PRAG1: variants seen among roughly 807,000 people sequenced by gnomAD.
PRAG1 encodes the protein PEAK1 related, kinase-activating pseudokinase 1, also known as inactive tyrosine-protein kinase PRAG1.
Under a neutral mutation model 95.6 loss-of-function variants are expected in PRAG1, and 110 were observed. The observed-to-expected ratio is 1.15, with a 90% CI of 0.99 to 1.35. PRAG1 has a LOEUF of 1.35. Among genes scored for constraint, PRAG1 ranks in the 40% most tolerant of loss-of-function variants. The pLI is 0.00. For missense variants in PRAG1, 2,554 were observed against 1,864.7 expected (o/e 1.37, Z -6.81); for synonymous variants, 1,052 against 819.4 (o/e 1.28, Z -4.85).
intron 2 of PRAG1, 58 bp downstream of exon 2, chr8:8,381,360 C>G: frequency 6.6e-7 from 1 of 1,520,896 alleles, no homozygotes; most frequent in Non-Finnish European, 8.9e-7. Flanking sequence ...AGCCAGTCAC[C>G]AAGTGTTCAA....
intron 3 of PRAG1, among the ~76,000 whole-genome samples, chr8:8,361,185 C>A (rs1317120432): frequency 6.6e-6 from 1 of 152,174 alleles, no homozygotes; most frequent in East Asian, 1.9e-4. Flanking sequence ...CACTGAGGAA[C>A]TTCCCTTAAA....
intron 2 of PRAG1, among the ~76,000 whole-genome samples, chr8:8,380,852 CAAAAAAAAAAAA>C (rs71217290): frequency 1.6e-5 from 1 of 64,448 alleles, no homozygotes; most frequent in Non-Finnish European, 3.0e-5. Context: ...GACTCCATCT[CAAAAAAAAAAAA>C]AAAAAAAAAA....
chr8:8,338,480 C>T, intron 4 of PRAG1, among the ~76,000 whole-genome samples: 1 of 152,178 alleles, frequency 6.6e-6, no homozygotes, highest in African/African-American at 2.4e-5. Flanking sequence ...ATTTGTTATA[C>T]AATGGGCTGG....
At chr8:8,381,929 G>A in intron 1 of PRAG1, 95 bp from the exon 2 acceptor site, 1 of 551,440 alleles carries the variant, frequency 1.8e-6, no homozygotes, top group South Asian at 2.8e-5. Flanking sequence ...CAGGGAGAAG[G>A]AGGAGAAAAA....
At chr8:8,322,058 C>G (rs1798486955) in intron 5 of PRAG1, among the ~76,000 whole-genome samples, 1 of 152,248 alleles carries the variant, frequency 6.6e-6, no homozygotes, top group African/African-American at 2.4e-5. Context: ...CTGAAAAATG[C>G]TTATCTAACA....
rs748366238 is a variant in PRAG1 at position 8,378,091 on chromosome 8, C to A, written c.331-13G>T. 2.0e-6 allele frequency: 3 copies of A among 1,514,744 alleles called. No individual in the cohort carries two copies. The South Asian group carries it at 4.0e-5, about 20-fold the overall frequency. The allele number at this position is 1,514,744 out of a possible 1,614,324, so 93.8% of individuals were successfully genotyped here. ...GTCTCCAGATGACCTACACACAAGCCCAACGCAAAAAGACTTATATTAGAA... is the reference window on the plus strand; with the variant it reads ...GTCTCCAGATGACCTACACACAAGCACAACGCAAAAAGACTTATATTAGAA... On this transcript the variant is annotated splice_polypyrimidine_tract_variant and intron_variant, in intron 2 of 5. Transcript: ENST00000615670.
chr8:8,341,935 C>T (rs1448774965), intron 3 of PRAG1, among the ~76,000 whole-genome samples: 1 of 152,042 alleles, frequency 6.6e-6, no homozygotes, highest in Non-Finnish European at 1.5e-5. Flanking sequence ...GAGTTCGAGA[C>T]CGGCCTGGCC....
At chr8:8,322,185 G>C (rs1798492157) in intron 5 of PRAG1, among the ~76,000 whole-genome samples, 1 of 151,928 alleles carries the variant, frequency 6.6e-6, no homozygotes, top group Non-Finnish European at 1.5e-5. Flanking sequence ...GTTTTGTTTT[G>C]TTTTGTTTTG....
intron 3 of PRAG1, among the ~76,000 whole-genome samples, chr8:8,347,266 G>C (rs1012770354): frequency 2.3e-4 from 35 of 152,190 alleles, no homozygotes; most frequent in African/African-American, 6.3e-4. Flanking sequence ...TGGGTGTGAA[G>C]AGCCAGCTTC....
intron 5 of PRAG1, among the ~76,000 whole-genome samples, chr8:8,323,761 C>T (rs1039169736): frequency 1.3e-5 from 2 of 152,272 alleles, no homozygotes; most frequent in East Asian, 3.9e-4. Context: ...AAATCTCTTT[C>T]CCTTGTAAAT....
At chr8:8,364,201 T>C (rs769330171) in intron 3 of PRAG1, among the ~76,000 whole-genome samples, 1 of 152,250 alleles carries the variant, frequency 6.6e-6, no homozygotes, top group Admixed American at 6.5e-5. Context: ...TATCCCACTT[T>C]GTAATTGTCA....
intron 3 of PRAG1, among the ~76,000 whole-genome samples, chr8:8,345,589 G>C (rs1015852688): frequency 2.0e-5 from 3 of 151,926 alleles, no homozygotes; most frequent in African/African-American, 4.8e-5. Flanking sequence ...CCAGGAGTTC[G>C]AGACCACCCT....
At chr8:8,366,979 T>G (rs1033279810) in intron 3 of PRAG1, among the ~76,000 whole-genome samples, 1 of 152,116 alleles carries the variant, frequency 6.6e-6, no homozygotes, top group African/African-American at 2.4e-5. Flanking sequence ...AGCTACATCA[T>G]GCATTTTAGA....
chr8:8,376,513 G>C lies in PRAG1; in HGVS notation c.1896C>G (p.Thr632=), dbSNP rs368621883. 4.3e-6 allele frequency: 7 copies of C among 1,610,456 alleles called. No homozygotes were observed. Among genetic ancestry groups the C allele is most frequent in the Non-Finnish European group, 5.9e-6 (7 of 1,177,602 alleles). ...CCTCTATCCGGCACTGACGACTCCA[G>C]GTGCCTGCCTGGAACCTGGGCCGCC... ...EQRRPRFQAG[T]WSRQCRIEEE... Residue 632 remains threonine, a synonymous_variant, in exon 3 of 6, where the codon ACC becomes ACG. Transcript: ENST00000615670.
At chr8:8,344,423 G>A (rs1307147845) in intron 3 of PRAG1, among the ~76,000 whole-genome samples, 1 of 152,122 alleles carries the variant, frequency 6.6e-6, no homozygotes, top group Non-Finnish European at 1.5e-5. Context: ...AAACATATAA[G>A]GATATATACA....
chr8:8,344,664 A>G (rs1799276426), intron 3 of PRAG1, among the ~76,000 whole-genome samples: 3 of 152,254 alleles, frequency 2.0e-5, no homozygotes, highest in African/African-American at 7.2e-5. Flanking sequence ...ACTTCACTGC[A>G]TGCTTGGAAT....
chr8:8,370,156 T>C (rs1025822604), intron 3 of PRAG1, among the ~76,000 whole-genome samples: 1 of 152,382 alleles, frequency 6.6e-6, no homozygotes, highest in Middle Eastern at 3.4e-3. Context: ...ATCAGTAATT[T>C]TTAAAGAAGT....
intron 3 of PRAG1, among the ~76,000 whole-genome samples, chr8:8,359,689 C>G (rs1370026368): frequency 6.6e-6 from 1 of 152,154 alleles, no homozygotes; most frequent in Non-Finnish European, 1.5e-5. Context: ...TCCTTACTAC[C>G]TCCCCTGGAG....
At chr8:8,350,667 G>A (rs1799491618) in intron 3 of PRAG1, among the ~76,000 whole-genome samples, 1 of 152,174 alleles carries the variant, frequency 6.6e-6, no homozygotes. Context: ...ATGATGTGGT[G>A]GTTAAGAGCA....
Sources: gnomAD v4.1 joint callset for allele counts (sites outside exome capture counted in the v4.1 genomes callset) on GRCh38, gnomAD v4.1.1 for gene constraint, MANE v1.5 for transcripts, NCBI Gene and HGNC (gene_info 2026-07-23, HGNC 2026-07-21) for gene names.